Variants in MLH3 observed in about 807,000 individuals in gnomAD.
The protein encoded by MLH3 is mutL homolog 3.
In MLH3, 82 loss-of-function variants were observed where a neutral mutation model predicts 122.2. That is an observed-to-expected ratio of 0.67 (90% confidence interval 0.56 to 0.81). The LOEUF is 0.81. Among genes scored for constraint, MLH3 ranks in the 30% least tolerant of loss-of-function variants. The pLI is 0.00. For missense variants in MLH3, 1,539 were observed against 1,714.5 expected, an observed-to-expected ratio of 0.90 and a Z score of 1.81; for synonymous variants, 524 against 599.5, an observed-to-expected ratio of 0.87 and a Z score of 1.84.
chr14:75,047,587 G>A lies in MLH3; in HGVS notation c.2069C>T (p.Thr690Ile), dbSNP rs747315256. The A allele has an allele frequency of 1.9e-6, 3 of 1,614,008 alleles. No homozygotes were observed. Among genetic ancestry groups the A allele is most frequent in the Non-Finnish European group, 2.5e-6 (3 of 1,180,012 alleles). The change falls in exon 2 of 13, where the codon ACT becomes ATT. Residue 690 changes from threonine (T) to isoleucine (I), a missense_variant. Transcript: ENST00000355774. ...CTGAAAAGCAGAAAACATTGTATAA[G>A]TTGCTGTAGGTTCATTCTCTAGCCC... ...SYGLENEPTA[T>I]YTMFSAFQEG... is the part of the protein sequence containing the mutation.
intron 9 of MLH3, among the ~76,000 whole-genome samples, chr14:75,026,492 T>C (rs1301797741): frequency 6.6e-6 from 1 of 151,798 alleles, no homozygotes; most frequent in Non-Finnish European, 1.5e-5. Context: ...GAGAAAGCAA[T>C]GGGAAATATG....
intron 2 of MLH3, among the ~76,000 whole-genome samples, chr14:75,043,277 A>G (rs1037614362): frequency 4.6e-5 from 7 of 152,268 alleles, no homozygotes; most frequent in African/African-American, 1.7e-4. Flanking sequence ...CAAATCTCCA[A>G]CTTATGTCTC....
chr14:75,019,007 T>C lies in MLH3; in HGVS notation c.4091-27A>G. 2.5e-6 allele frequency: 4 copies of C among 1,609,420 alleles called. No individual in the cohort carries two copies. In the South Asian group the frequency reaches 3.3e-5, roughly 13 times the overall value. On this transcript the variant is annotated intron_variant, in intron 11 of 12. Coordinates refer to ENST00000355774, the MANE Select transcript of MLH3 (RefSeq NM_001040108.2). ...TAAATGAAAGACAGAAACAAGAAGG[T>C]TATAGTGTATATAGTGGGAAACCAA...
intron 9 of MLH3, among the ~76,000 whole-genome samples, chr14:75,024,202 A>G (rs1313471341): frequency 6.6e-6 from 1 of 152,108 alleles, no homozygotes; most frequent in Non-Finnish European, 1.5e-5. Flanking sequence ...TTATTTAGTT[A>G]GTTAGTTACT....
At position 75,018,989 on chromosome 14, in the gene MLH3, AAGAC is replaced by A. The variant is rs1383069235; in HGVS notation, c.4091-13_4091-10del. 1 of 1,613,886 alleles carries A rather than the reference AAGAC, an allele frequency of 6.2e-7. No individual in the cohort carries two copies. Among genetic ancestry groups the A allele is most frequent in the Non-Finnish European group, 8.5e-7 (1 of 1,179,864 alleles). On this transcript the variant is annotated splice_polypyrimidine_tract_variant and intron_variant, in intron 11 of 12. Coordinates refer to ENST00000355774, the MANE Select transcript of MLH3 (RefSeq NM_001040108.2). ...ATTAAACTTAATGGCCCCTAAATGA[AAGAC>A]AGAAACAAGAAGGTTATAGTGTATA...
intron 6 of MLH3, among the ~76,000 whole-genome samples, chr14:75,034,558 T>C (rs1891261415): frequency 6.6e-6 from 1 of 152,244 alleles, no homozygotes; most frequent in African/African-American, 2.4e-5. Context: ...ACTTTATTTA[T>C]GGACACTGAA....
intron 2 of MLH3, among the ~76,000 whole-genome samples, chr14:75,045,627 C>G (rs1892153324): frequency 1.3e-5 from 2 of 152,114 alleles, no homozygotes; most frequent in Non-Finnish European, 2.9e-5. Flanking sequence ...CAGTAAAATA[C>G]CATGCTGACA....
intron 9 of MLH3, among the ~76,000 whole-genome samples, chr14:75,027,487 C>T (rs1890708445): frequency 6.6e-6 from 1 of 151,960 alleles, no homozygotes; most frequent in South Asian, 2.1e-4. Flanking sequence ...CTCAAAACTC[C>T]TGACCTCAGG....
At position 75,030,564 on chromosome 14, in the gene MLH3, A is replaced by C; in HGVS notation, c.3966T>G (p.Thr1322=). ...TTACCTCCACAATACTCTTGGTCAC[A>C]GTAGATCTTCCTCTCCGAAGTTCAT... ...EANELRRGRS[T]VTKSIVEEFI... The change falls in exon 9 of 13, where the codon ACT becomes ACG. Residue 1322 remains threonine, a synonymous_variant. Coordinates refer to ENST00000355774, the MANE Select transcript of MLH3 (RefSeq NM_001040108.2). 2 of 1,614,164 alleles carry C rather than the reference A, an allele frequency of 1.2e-6. No individual in the cohort carries two copies. Among genetic ancestry groups the C allele is most frequent in the South Asian group, 2.2e-5 (2 of 91,088 alleles).
intron 6 of MLH3, among the ~76,000 whole-genome samples, chr14:75,034,786 T>G (rs1891281098): frequency 6.6e-6 from 1 of 151,958 alleles, no homozygotes; most frequent in South Asian, 2.1e-4. Flanking sequence ...AGATTCTGGC[T>G]GGGCCTGTGG....
At position 75,040,358 on chromosome 14, in the gene MLH3, G is replaced by A. The variant is rs10141339; in HGVS notation, c.3466-343C>T. ...CCAGCTACTTGGGAGACTGAGGCAG[G>A]AGAATGGTGTGAACCCGGGAGGCGG... On this transcript the variant is annotated intron_variant, in intron 4 of 12. Coordinates refer to ENST00000355774, the MANE Select transcript of MLH3 (RefSeq NM_001040108.2). Among the ~76,000 whole-genome samples, 1,178 of 143,018 alleles carry A rather than the reference G, an allele frequency of 8.2e-3. 11 individuals carry two copies. Among genetic ancestry groups the A allele is most frequent in the African/African-American group, 0.028 (1,111 of 39,190 alleles). The allele number at this position is 143,018 out of a possible 152,430, so 93.8% of individuals were successfully genotyped here.
chr14:75,016,925 C>T lies in MLH3; in HGVS notation c.*157G>A. On this transcript the variant is annotated 3_prime_UTR_variant, in exon 13 of 13. Transcript: ENST00000355774. ...GCTACTCAACTAGGGGAATCATCTG[C>T]TCAAGAAAGACTGATACAGAGAGCC... is the stretch of plus-strand genomic sequence containing the variant. 1 of 810,514 alleles carries T rather than the reference C, an allele frequency of 1.2e-6. No homozygotes were observed. The highest frequency in any genetic ancestry group is 2.1e-6 in the Non-Finnish European group (1 of 475,008). 50.2% of individuals were successfully genotyped at this position (810,514 alleles called of 1,614,324 possible).
rs998111362 is a variant in MLH3 at position 75,016,998 on chromosome 14, G to C, written c.*84C>G. 6.5e-7 allele frequency: 1 copy of C among 1,542,554 alleles called. No homozygotes were observed. Among genetic ancestry groups the C allele is most frequent in the Non-Finnish European group, 8.9e-7 (1 of 1,120,146 alleles). ...ACACTGGGCTGATTCAGTCAGGGCC[G>C]TGCTGGTACCTGCTGCTGCTGCTCT... is the stretch of plus-strand genomic sequence containing the variant. On this transcript the variant is annotated 3_prime_UTR_variant, in exon 13 of 13. Coordinates refer to ENST00000355774, the MANE Select transcript of MLH3 (RefSeq NM_001040108.2).
chr14:75,031,918 T>A, intron 8 of MLH3, 150 bp downstream of exon 8: 1 of 683,776 alleles, frequency 1.5e-6, no homozygotes, highest in Non-Finnish European at 2.7e-6. Flanking sequence ...GAGTGCCTGC[T>A]CCACTACTTA....
chr14:75,027,783 A>G (rs1890757371), intron 9 of MLH3, among the ~76,000 whole-genome samples: 1 of 151,694 alleles, frequency 6.6e-6, no homozygotes, highest in African/African-American at 2.4e-5. Flanking sequence ...ATAAAGATTG[A>G]CTATAAAATA....
chr14:75,048,175 T>C lies in MLH3; in HGVS notation c.1481A>G (p.His494Arg), dbSNP rs760778201. ...NEKHKKSFLE[H>R]SSLENPCGTS... Reference sequence around the variant, plus strand: ...TCCACACGGATTTTCTAAAGAGCTATGTTCCAGGAAAGATTTTTTATGTTT... The same window carrying C: ...TCCACACGGATTTTCTAAAGAGCTACGTTCCAGGAAAGATTTTTTATGTTT... Residue 494 changes from histidine to arginine, a missense_variant, in exon 2 of 13, where the codon CAT (histidine) becomes CGT (arginine). Coordinates refer to ENST00000355774, the MANE Select transcript of MLH3 (RefSeq NM_001040108.2). The C allele has an allele frequency of 6.8e-6, 11 of 1,613,904 alleles. No individual in the cohort carries two copies. In the South Asian group the frequency reaches 1.1e-4, roughly 16 times the overall value.
At position 75,048,320 on chromosome 14, in the gene MLH3, C is replaced by T. The variant is rs1892410798; in HGVS notation, c.1336G>A (p.Gly446Ser). 7 of 1,614,034 alleles carry T rather than the reference C, an allele frequency of 4.3e-6. No homozygotes were observed. The highest frequency in any genetic ancestry group is 1.3e-5 in the African/African-American group (1 of 75,048). ...GTCATTTTGCTATGGCCTGGACCAC[C>T]TGATTCATAAATGTACAAAAATGCA... ...NDAFLYIYES[G>S]GPGHSKMTEP... Residue 446 changes from glycine to serine, a missense_variant, in exon 2 of 13, where the codon GGT becomes AGT. Physicochemically the swap from Gly to Ser is moderately conservative, Grantham distance 56. Coordinates refer to ENST00000355774, the MANE Select transcript of MLH3 (RefSeq NM_001040108.2).
In MLH3 at chr14:75,046,888, A is replaced by C. The variant is rs768629222; in HGVS notation, c.2768T>G (p.Phe923Cys). The change falls in exon 2 of 13, where the codon TTT (phenylalanine) becomes TGT (cysteine). Residue 923 changes from phenylalanine to cysteine, a missense_variant. By Grantham distance (205) the Phe-to-Cys change is radical. Transcript: ENST00000355774. Reference protein sequence around the residue: ...SVLTQDFCMLFNNKHEKTENG... With the variant: ...SVLTQDFCMLCNNKHEKTENG... Reference sequence around the variant, plus strand: ...CTCTGTTTTTTCATGCTTGTTGTTAAATAACATACAAAAATCTTGTGTTAA... The same window carrying C: ...CTCTGTTTTTTCATGCTTGTTGTTACATAACATACAAAAATCTTGTGTTAA... 2 of 1,614,046 alleles carry C rather than the reference A, an allele frequency of 1.2e-6. No individual in the cohort carries two copies. Among genetic ancestry groups the C allele is most frequent in the Non-Finnish European group, 1.7e-6 (2 of 1,180,028 alleles).
Position 75,046,753 on chromosome 14 carries a change from GT to G in MLH3, c.2902del (p.Thr968LeufsTer28), listed in dbSNP as rs780017030. 6.2e-7 allele frequency: 1 copy of G among 1,614,116 alleles called. No homozygotes were observed. Among genetic ancestry groups the G allele is most frequent in the Non-Finnish European group, 8.5e-7 (1 of 1,180,008 alleles). On this transcript the variant is annotated frameshift_variant, in exon 2 of 13. Coordinates refer to ENST00000355774, the MANE Select transcript of MLH3 (RefSeq NM_001040108.2). LOFTEE classifies it high-confidence loss of function. ...NTTENCVISE[T>X]PLVLPYNNSK... ...ATTATTATAGGGCAATACCAAAGGA[GT>G]TTCTGATATCACACAGTTCTCTGTT...
Sources: allele counts gnomAD v4.1 joint callset (sites outside exome capture counted in the v4.1 genomes callset), GRCh38; gene constraint gnomAD v4.1.1; transcripts MANE v1.5; gene names NCBI Gene and HGNC (gene_info 2026-07-23, HGNC 2026-07-21).